The following MYO1C variants were observed in gnomAD, a reference collection of about 807,000 sequenced individuals.
MYO1C encodes the protein unconventional myosin-Ic.
MYO1C carries 104 observed loss-of-function variants against 150.8 expected under a neutral mutation model. That is an observed-to-expected ratio of 0.69 (90% CI 0.59 to 0.81). MYO1C has a LOEUF of 0.81. MYO1C is among the 30% of genes least tolerant of loss of function. The pLI is 0.00. For missense variants in MYO1C, 1,504 were observed against 1,435.0 expected (o/e 1.05, Z -0.78); for synonymous variants, 663 against 579.9 (o/e 1.14, Z -2.06).
rs1598336562 is a variant in MYO1C, at chr17:1,478,656, G to A, written c.1172C>T (p.Thr391Ile). Residue 391 changes from threonine to isoleucine, a missense_variant, in exon 10 of 32, where the codon ACC becomes ATC. Coordinates refer to ENST00000648651, the MANE Select transcript of MYO1C (RefSeq NM_001080779.2). This position sits in a 1 kb window ranked among gnomAD's most constrained non-coding sequence, Gnocchi z 6.3. Reference sequence around the variant, plus strand: ...CCTGTTGATCTTCCCGACGAGCCAGGTAAAAGTGCGGCTGTACACAGCCTT... The same window carrying A: ...CCTGTTGATCTTCCCGACGAGCCAGATAAAAGTGCGGCTGTACACAGCCTT... ...LAKAVYSRTF[T>I]WLVGKINRSL... The A allele has an allele frequency of 5.6e-6, 9 of 1,614,064 alleles. 1 individual carries two copies. The highest frequency in any genetic ancestry group is 1.6e-4 in the Middle Eastern group (1 of 6,084).
chr17:1,485,800 C>CCCGCCCCCCTCA, intron 1 of MYO1C: 1 of 644,150 alleles, frequency 1.6e-6, no homozygotes, highest in Non-Finnish European at 2.0e-6. Context: ...CGAGGGAGGG[C>CCCGCCCCCCTCA]CCGCCCCCCG....
chr17:1,477,212 CT>C, intron 14 of MYO1C: 1 of 290,854 alleles, frequency 3.4e-6, no homozygotes, highest in Non-Finnish European at 6.3e-6. Flanking sequence ...GAGTCTCGCT[CT>C]TGTCACCCAG....
chr17:1,488,920 C>T (rs561065698), intron 1 of MYO1C, among the ~76,000 whole-genome samples: 1 of 152,198 alleles, frequency 6.6e-6, no homozygotes, highest in African/African-American at 2.4e-5. Flanking sequence ...TATCTAGTGC[C>T]CTTCAGCTCC....
intron 5 of MYO1C, among the ~76,000 whole-genome samples, chr17:1,481,833 A>AAT (rs2074529165): frequency 6.6e-6 from 1 of 150,896 alleles, no homozygotes; most frequent in Non-Finnish European, 1.5e-5. Context: ...AGTTAAAAAA[A>AAT]AAAAAAAAAA....
chr17:1,491,455 C>CTCG, intron 1 of MYO1C: 1 of 157,674 alleles, frequency 6.3e-6, no homozygotes, highest in Non-Finnish European at 1.2e-5. Flanking sequence ...GGACCCCCCC[C>CTCG]CCCCGCACGG....
chr17:1,466,492 G>A (rs151188344), intron 31 of MYO1C, among the ~76,000 whole-genome samples: 2,641 of 152,044 alleles, frequency 0.017, 35 homozygotes, highest in East Asian at 0.092. Flanking sequence ...CACCACACTC[G>A]GCTAATTTTG....
Position 1,479,213 on chromosome 17 carries a change from G to A in MYO1C, c.1092+218C>T, listed in dbSNP as rs1397879748. Among the ~76,000 whole-genome samples, 1 of 152,106 alleles carries A rather than the reference G, an allele frequency of 6.6e-6. No homozygotes were observed. The highest frequency in any genetic ancestry group is 1.5e-5 in the Non-Finnish European group (1 of 68,028). Reference sequence around the variant, plus strand: ...TCACCATGTTGGCCAAGATGGTCTCGAACTCCTGACCTCAGGTGACCTGCC... The same window carrying A: ...TCACCATGTTGGCCAAGATGGTCTCAAACTCCTGACCTCAGGTGACCTGCC... On this transcript the variant is annotated intron_variant, in intron 9 of 31. Transcript: ENST00000648651. This position sits in a 1 kb window ranked among gnomAD's most constrained non-coding sequence, Gnocchi z 4.2.
intron 23 of MYO1C, 38 bp downstream of exon 23, chr17:1,470,397 C>T: frequency 1.3e-6 from 2 of 1,548,786 alleles, no homozygotes; most frequent in East Asian, 2.4e-5. Context: ...CCCCCCACGC[C>T]CTGCTCTGCA....
chr17:1,478,663 T>C lies in MYO1C; in HGVS notation c.1165A>G (p.Thr389Ala), dbSNP rs756225512. 20 of 1,613,970 alleles carry C rather than the reference T, an allele frequency of 1.2e-5. 1 individual carries two copies. Among genetic ancestry groups the C allele is most frequent in the Non-Finnish European group, 1.6e-5 (19 of 1,180,034 alleles). ...ATCTTCCCGACGAGCCAGGTAAAAG[T>C]GCGGCTGTACACAGCCTTGGCGAGG... ...DALAKAVYSR[T>A]FTWLVGKINR... The change falls in exon 10 of 32, where the codon ACT becomes GCT. Residue 389 changes from threonine to alanine, a missense_variant. Physicochemically the swap from Thr to Ala is moderately conservative, Grantham distance 58 (BLOSUM62 0). Coordinates refer to ENST00000648651, the MANE Select transcript of MYO1C (RefSeq NM_001080779.2). The surrounding 1 kb of genome is among the most constrained non-coding windows in gnomAD (Gnocchi z 6.3).
At chr17:1,477,766 C>A in intron 13 of MYO1C, 125 bp downstream of exon 13, 1 of 1,082,258 alleles carries the variant, frequency 9.2e-7, no homozygotes, top group South Asian at 1.3e-5. Flanking sequence ...CCATTCACAG[C>A]TCTGCCCTGT....
chr17:1,475,065 T>G (rs955330060), intron 14 of MYO1C, 33 bp from the exon 15 acceptor site: 1 of 1,547,916 alleles, frequency 6.5e-7, no homozygotes, highest in African/African-American at 1.4e-5. Flanking sequence ...TGCAGATGGC[T>G]GCCGGCCTGA....
chr17:1,471,189 T>C (rs369720567), intron 20 of MYO1C, 34 bp downstream of exon 20: 5 of 1,613,472 alleles, frequency 3.1e-6, no homozygotes, highest in Admixed American at 1.7e-5. Context: ...GCCACTCCCA[T>C]TCCCCGCAGG....
In MYO1C at chr17:1,467,486, T is replaced by C. The variant is rs2074199052; in HGVS notation, c.3059A>G (p.Gln1020Arg). The change falls in exon 30 of 32, where the codon CAG (glutamine) becomes CGG (arginine). Residue 1020 changes from glutamine (Q) to arginine (R), a missense_variant. Physicochemically the swap from Gln to Arg is conservative, Grantham distance 43 (BLOSUM62 1). Coordinates refer to ENST00000648651, the MANE Select transcript of MYO1C (RefSeq NM_001080779.2). ...ANRVNSININ[Q>R]GSITFAGGPG... ...GGGGCCGCCCGCGCCTCACCTGCCC[T>C]GGTTGATGTTGATGCTGTTCACGCG... 1 of 1,608,902 alleles carries C rather than the reference T, an allele frequency of 6.2e-7. No individual in the cohort carries two copies. The highest frequency in any genetic ancestry group is 8.5e-7 in the Non-Finnish European group (1 of 1,178,316).
At chr17:1,470,414 A>G in intron 23 of MYO1C, 21 bp downstream of exon 23, 1 of 1,550,060 alleles carries the variant, frequency 6.5e-7, no homozygotes. Context: ...TGCAGCCCCC[A>G]CAAGGCACCC....
chr17:1,474,586 C>A (rs45497196), intron 17 of MYO1C, 24 bp downstream of exon 17: 2 of 1,612,380 alleles, frequency 1.2e-6, no homozygotes, highest in East Asian at 4.5e-5. Flanking sequence ...TGCACCCCTG[C>A]GCCCGGTCCC....
chr17:1,467,982 G>A lies in MYO1C; in HGVS notation c.2896+6C>T. On this transcript the variant is annotated splice_donor_region_variant and intron_variant, in intron 28 of 31. Transcript: ENST00000648651. ...CCTCCCCCTGCAGCCCTGGACCCTG[G>A]CTGACCGGTCAGGTTGGCGTAATCA... 6.2e-7 allele frequency: 1 copy of A among 1,612,768 alleles called. No individual in the cohort carries two copies. Among genetic ancestry groups the A allele is most frequent in the South Asian group, 1.1e-5 (1 of 91,004 alleles).
rs375940649 is a variant in MYO1C, at chr17:1,478,213, C to A, written c.1296-21G>T. On this transcript the variant is annotated intron_variant, in intron 11 of 31. Transcript: ENST00000648651. The surrounding 1 kb of genome is among the most constrained non-coding windows in gnomAD (Gnocchi z 6.3). ...CAAAGCTGTAAGGAAGGAGAAGAGCCCACAGTGGCTCAGTGGGGACACAGG... is the reference window on the plus strand; with the variant it reads ...CAAAGCTGTAAGGAAGGAGAAGAGCACACAGTGGCTCAGTGGGGACACAGG... The A allele has an allele frequency of 1.9e-6, 3 of 1,610,648 alleles. No homozygotes were observed. The highest frequency in any genetic ancestry group is 2.5e-6 in the Non-Finnish European group (3 of 1,177,596).
chr17:1,469,962 G>C (rs2074264635), intron 24 of MYO1C, among the ~76,000 whole-genome samples: 1 of 152,248 alleles, frequency 6.6e-6, no homozygotes, highest in South Asian at 2.1e-4. Context: ...TTGAACCCGG[G>C]AGGCGGAGGT....
rs1342719336 is a variant in MYO1C, at chr17:1,478,670, G to A, written c.1158C>T (p.Tyr386=). The change falls in exon 10 of 32, where the codon TAC becomes TAT. Residue 386 remains tyrosine, a synonymous_variant. Coordinates refer to ENST00000648651, the MANE Select transcript of MYO1C (RefSeq NM_001080779.2). This position sits in a 1 kb window ranked among gnomAD's most constrained non-coding sequence, Gnocchi z 6.3. ...CGACGAGCCAGGTAAAAGTGCGGCT[G>A]TACACAGCCTTGGCGAGGGCGTCTC... The part of the protein sequence containing the change: ...YARDALAKAV[Y]SRTFTWLVGK... The A allele has an allele frequency of 8.7e-6, 14 of 1,614,074 alleles. No individual in the cohort carries two copies. Among genetic ancestry groups the A allele is most frequent in the Non-Finnish European group, 1.7e-6 (2 of 1,180,050 alleles).
Sources: gnomAD v4.1 joint callset for allele counts (sites outside exome capture counted in the v4.1 genomes callset) on GRCh38, gnomAD v4.1.1 for gene constraint, Gnocchi (gnomAD v3.1) non-coding constraint, MANE v1.5 for transcripts, NCBI Gene and HGNC (gene_info 2026-07-23, HGNC 2026-07-21) for gene names.